Variants in TTC17 observed in about 807,000 individuals in gnomAD.
TTC17 encodes the protein tetratricopeptide repeat protein 17.
A neutral mutation model predicts 143.8 loss-of-function variants in TTC17; 58 were observed. That is an observed-to-expected ratio of 0.40 (90% confidence interval 0.33 to 0.50). TTC17 has a LOEUF of 0.50. Among genes scored for constraint, TTC17 ranks in the 20% least tolerant of loss-of-function variants. The pLI is 0.49. For synonymous variants in TTC17, 501 were observed against 497.8 expected, an observed-to-expected ratio of 1.01 and a Z score of -0.09; for missense variants, 1,273 against 1,392.5, an observed-to-expected ratio of 0.91 and a Z score of 1.37.
At chr11:43,444,385 A>G (rs1947492564) in intron 18 of TTC17, 176 bp downstream of exon 18, 1 of 510,554 alleles carries the variant, frequency 2.0e-6, no homozygotes, top group African/African-American at 2.0e-5. Flanking sequence ...ACTCTAAAAC[A>G]TTATGGAAAT....
At chr11:43,491,974 C>A (rs1948481299) in intron 22 of TTC17, 46 bp from the exon 23 acceptor site, 2 of 1,606,062 alleles carry the variant, frequency 1.2e-6, no homozygotes, top group Admixed American at 3.4e-5. Flanking sequence ...AGAATGAAAG[C>A]TCAAAACCCA....
chr11:43,420,932 A>AC (rs1475992822), intron 16 of TTC17, among the ~76,000 whole-genome samples: 4 of 152,230 alleles, frequency 2.6e-5, no homozygotes, highest in African/African-American at 9.6e-5. Flanking sequence ...TTCTAAAGCA[A>AC]CAATTTGTTT....
At chr11:43,448,459 G>A (rs1590439506) in intron 19 of TTC17, 1 of 181,030 alleles carries the variant, frequency 5.5e-6, no homozygotes. Flanking sequence ...GGGAGCCAGA[G>A]CAAATCCAGA....
chr11:43,416,992 CTAAA>C (rs984874723), intron 16 of TTC17, among the ~76,000 whole-genome samples: 2 of 152,054 alleles, frequency 1.3e-5, no homozygotes, highest in African/African-American at 4.8e-5. Flanking sequence ...TTGCTAATAC[CTAAA>C]TAAATACTGT....
At chr11:43,437,196 C>G (rs1947312449) in intron 16 of TTC17, among the ~76,000 whole-genome samples, 1 of 152,038 alleles carries the variant, frequency 6.6e-6, no homozygotes, top group Non-Finnish European at 1.5e-5. Context: ...CATATTGGCC[C>G]TATTTTCTGA....
chr11:43,360,147 A>C (rs1379950661), intron 1 of TTC17, among the ~76,000 whole-genome samples: 2 of 152,246 alleles, frequency 1.3e-5, no homozygotes, highest in Admixed American at 6.5e-5. Context: ...ATAGGAACAC[A>C]TTCCAACGTT....
chr11:43,387,784 T>G (rs953342926), intron 2 of TTC17, among the ~76,000 whole-genome samples: 2 of 152,220 alleles, frequency 1.3e-5, no homozygotes, highest in African/African-American at 4.8e-5. Context: ...TGCCCAAGCC[T>G]GAGTCCAGCA....
At chr11:43,408,002 G>A (rs867070300) in intron 15 of TTC17, among the ~76,000 whole-genome samples, 1 of 152,146 alleles carries the variant, frequency 6.6e-6, no homozygotes, top group Non-Finnish European at 1.5e-5. Context: ...AGGTGGTTTT[G>A]ATAAGAATAA....
chr11:43,443,531 A>C lies in TTC17; in HGVS notation c.2458A>C (p.Arg820=), dbSNP rs764440785. The change falls in exon 17 of 24, where the codon AGA becomes CGA. Residue 820 remains arginine (R), a synonymous_variant. Coordinates refer to ENST00000039989, the MANE Select transcript of TTC17 (RefSeq NM_018259.6). The part of the protein sequence containing the change: ...LKKGPQDGVA[R]SSCYGDCRSE... ...GAAAGGTCCCCAGGATGGAGTGGCC[A>C]GAAGCTCTTGCTATGGAGACTGCAG... 6.2e-7 allele frequency: 1 copy of C among 1,614,160 alleles called. No homozygotes were observed. The highest frequency in any genetic ancestry group is 2.2e-5 in the East Asian group (1 of 44,876).
chr11:43,414,480 A>T, intron 15 of TTC17, 110 bp from the exon 16 acceptor site: 1 of 1,111,908 alleles, frequency 9.0e-7, no homozygotes, highest in Admixed American at 2.3e-5. Flanking sequence ...GTTAGCAATA[A>T]CGTTTATGGG....
At position 43,405,781 on chromosome 11, in the gene TTC17, G is replaced by A. The variant is rs756340465; in HGVS notation, c.1596-5G>A. 3 of 1,612,278 alleles carry A rather than the reference G, an allele frequency of 1.9e-6. No individual in the cohort carries two copies. The highest frequency in any genetic ancestry group is 3.4e-5 in the Admixed American group (2 of 59,538). On this transcript the variant is annotated splice_region_variant and splice_polypyrimidine_tract_variant and intron_variant, in intron 12 of 23. Coordinates refer to ENST00000039989, the MANE Select transcript of TTC17 (RefSeq NM_018259.6). ...TATGAATCTTGTTCCTTTTTCTTGT[G>A]CCAGGATCCACGAACTCAGCAGTGA...
At chr11:43,414,892 A>G (rs982518569) in intron 16 of TTC17, 116 bp downstream of exon 16, 36 of 1,063,040 alleles carry the variant, frequency 3.4e-5, no homozygotes, top group Non-Finnish European at 3.6e-5. Context: ...GATAACCAGT[A>G]TAATTCCAGA....
At position 43,450,213 on chromosome 11, in the gene TTC17, A is replaced by C. The variant is rs370533698; in HGVS notation, c.2918A>C (p.His973Pro). The C allele has an allele frequency of 1.7e-5, 27 of 1,614,020 alleles. No homozygotes were observed. The highest frequency in any genetic ancestry group is 1.9e-5 in the Non-Finnish European group (23 of 1,180,010). Residue 973 changes from histidine to proline, a missense_variant, in exon 20 of 24, where the codon CAC (histidine) becomes CCC (proline). Coordinates refer to ENST00000039989, the MANE Select transcript of TTC17 (RefSeq NM_018259.6). ...LHGVSNRASLHYTGESQLTEV... is the reference protein window; with the variant it reads ...LHGVSNRASLPYTGESQLTEV... ...GGGGTTTCCAACCGAGCCAGCCTGC[A>C]CTACACAGGGGAGAGTCAGTTAACA...
intron 21 of TTC17, among the ~76,000 whole-genome samples, chr11:43,483,279 A>G (rs2134471577): frequency 6.6e-6 from 1 of 152,274 alleles, no homozygotes; most frequent in South Asian, 2.1e-4. Context: ...TCATCCTAAT[A>G]TAAACAGACT....
At chr11:43,468,157 A>G (rs1345948495) in intron 21 of TTC17, 1 of 152,246 alleles carries the variant, frequency 6.6e-6, no homozygotes, top group Admixed American at 6.5e-5. Context: ...ACTTCTCAGC[A>G]GGAGCAATGG....
At chr11:43,381,911 A>C (rs1272825242) in intron 2 of TTC17, among the ~76,000 whole-genome samples, 2 of 152,150 alleles carry the variant, frequency 1.3e-5, no homozygotes, top group African/African-American at 4.8e-5. Context: ...ATTGGGGAGG[A>C]GTTTGGCTTT....
At chr11:43,438,785 T>C (rs776508393) in intron 16 of TTC17, among the ~76,000 whole-genome samples, 2 of 152,230 alleles carry the variant, frequency 1.3e-5, no homozygotes, top group Non-Finnish European at 2.9e-5. Context: ...AAACTTCTCT[T>C]CCAAGATTGT....
intron 5 of TTC17, 42 bp downstream of exon 5, chr11:43,391,994 C>T (rs1404625478): frequency 1.9e-6 from 3 of 1,562,204 alleles, no homozygotes; most frequent in South Asian, 1.2e-5. Context: ...GCTGAGCCAG[C>T]GGGCTCTGTG....
At chr11:43,439,850 C>T (rs1032452032) in intron 16 of TTC17, among the ~76,000 whole-genome samples, 8 of 152,180 alleles carry the variant, frequency 5.3e-5, no homozygotes, top group African/African-American at 1.9e-4. Flanking sequence ...CAAGTATAAA[C>T]CTTCCCACTA....
Sources: gnomAD v4.1 joint callset for allele counts (sites outside exome capture counted in the v4.1 genomes callset) on GRCh38, gnomAD v4.1.1 for gene constraint, MANE v1.5 for transcripts, NCBI Gene and HGNC (gene_info 2026-07-23, HGNC 2026-07-21) for gene names.